Variants in ABHD2 observed in about 807,000 individuals in gnomAD.
The protein encoded by ABHD2 is monoacylglycerol lipase ABHD2.
Under a neutral mutation model 48.1 loss-of-function variants are expected in ABHD2, and 20 were observed. That is an observed-to-expected ratio of 0.42 (90% CI 0.29 to 0.60). The LOEUF (loss-of-function observed/expected upper bound fraction) is 0.60, where lower values mean the gene tolerates loss of function less well. ABHD2 is among the 20% of genes least tolerant of loss of function. The pLI, the probability that ABHD2 is intolerant of heterozygous loss-of-function variation, is 0.24. For synonymous variants in ABHD2, 209 were observed against 214.2 expected (o/e 0.98, Z 0.21); for missense variants, 405 against 550.9 (o/e 0.74, Z 2.65).
In ABHD2 at chr15:89,120,502, CAG is replaced by C. The variant is rs1447007779; in HGVS notation, c.194+3984_194+3985del. 6.6e-6 allele frequency among the ~76,000 whole-genome samples: 1 copy of C among 151,792 alleles called. No homozygotes were observed. Among genetic ancestry groups the C allele is most frequent in the East Asian group, 1.9e-4 (1 of 5,180 alleles). ...GCTCTTTCTTTTTTCTTTTTTGAGA[CAG>C]AGTCTCACTCTGTTGCCTAGGCTGG... On this transcript the variant is annotated intron_variant, in intron 3 of 10. Coordinates refer to ENST00000352732, the MANE Select transcript of ABHD2 (RefSeq NM_152924.5). This position sits in a 1 kb window ranked among gnomAD's most constrained non-coding sequence, Gnocchi z 4.2.
intron 3 of ABHD2, among the ~76,000 whole-genome samples, chr15:89,135,322 C>T (rs2050289588): frequency 6.6e-6 from 1 of 151,450 alleles, no homozygotes; most frequent in Admixed American, 6.6e-5. Flanking sequence ...AATCCCCATA[C>T]TGTACTAGGC....
chr15:89,185,556 C>G lies in ABHD2; in HGVS notation c.815+40C>G. The G allele has an allele frequency of 6.4e-7, 1 of 1,559,602 alleles. No individual in the cohort carries two copies. Among genetic ancestry groups the G allele is most frequent in the Non-Finnish European group, 8.8e-7 (1 of 1,130,880 alleles). On this transcript the variant is annotated intron_variant, in intron 7 of 10. Coordinates refer to ENST00000352732, the MANE Select transcript of ABHD2 (RefSeq NM_152924.5). This position sits in a 1 kb window ranked among gnomAD's most constrained non-coding sequence, Gnocchi z 5.9. ...GTTCTCTCTCAGGAGACAGACAGTT[C>G]CTTCCTGAGCTCATCTGGGAACCGT...
chr15:89,158,820 TTCCCACC>T (rs2050715842), intron 5 of ABHD2, among the ~76,000 whole-genome samples: 1 of 151,800 alleles, frequency 6.6e-6, no homozygotes, highest in Non-Finnish European at 1.5e-5. Flanking sequence ...TCAAGCCAGC[TTCCCACC>T]TCATTTTTTA....
chr15:89,200,540 AC>A lies in ABHD2; in HGVS notation c.*5118del, dbSNP rs200031745. 0.036 allele frequency: 5,539 copies of A among 152,944 alleles called. 146 individuals are homozygous for A. The highest frequency in any genetic ancestry group is 0.054 in the Non-Finnish European group (3,681 of 68,172). 9.5% of individuals were successfully genotyped at this position (152,944 alleles called of 1,614,324 possible). A position where few individuals can be genotyped will look rare whatever the true frequency, so the allele number is the denominator to read the frequency against. The stretch of plus-strand genomic sequence containing the variant: ...GAATTTGATAAAGGACTGAAGTGCA[AC>A]TGAAAGCTGCTAGTGATGATCTGGT... On this transcript the variant is annotated 3_prime_UTR_variant, in exon 11 of 11. Coordinates refer to ENST00000352732, the MANE Select transcript of ABHD2 (RefSeq NM_152924.5).
chr15:89,151,769 G>A lies in ABHD2; in HGVS notation c.287G>A (p.Gly96Glu). The A allele has an allele frequency of 1.2e-6, 2 of 1,614,192 alleles. No individual in the cohort carries two copies. Among genetic ancestry groups the A allele is most frequent in the Non-Finnish European group, 1.7e-6 (2 of 1,180,034 alleles). The change falls in exon 4 of 11, where the codon GGG becomes GAG. Residue 96 changes from glycine (G) to glutamate (E), a missense_variant. Gly to Glu is a moderately conservative substitution (Grantham distance 98). Transcript: ENST00000352732. The surrounding 1 kb of genome is among the most constrained non-coding windows in gnomAD (Gnocchi z 4.7). ...MGRVRSPHPYGHRKFITMSDG... is the reference protein window; with the variant it reads ...MGRVRSPHPYEHRKFITMSDG... Reference sequence around the variant, plus strand: ...AGGGTGAGGTCGCCACATCCTTATGGGCACCGGAAGTTCATCACTATGTCT... The same window carrying A: ...AGGGTGAGGTCGCCACATCCTTATGAGCACCGGAAGTTCATCACTATGTCT...
At chr15:89,069,140 TA>T in the ABHD2 span, among the ~76,000 whole-genome samples, 3 of 148,294 alleles carry the variant, frequency 2.0e-5, no homozygotes, top group African/African-American at 7.5e-5. Context: ...TTTTTTTTTT[TA>T]AAGAGATAGG....
intron 10 of ABHD2, among the ~76,000 whole-genome samples, chr15:89,194,601 G>A (rs985627898): frequency 2.6e-5 from 4 of 152,124 alleles, no homozygotes; most frequent in Non-Finnish European, 5.9e-5. Context: ...TGACTCCATT[G>A]AATTCTCCTC....
upstream of ABHD2, chr15:89,088,221 C>T (rs2150762294): frequency 6.6e-6 from 1 of 152,488 alleles, no homozygotes; most frequent in Non-Finnish European, 1.5e-5. The surrounding 1 kb of genome is among the most constrained non-coding windows in gnomAD (Gnocchi z 6.8). Flanking sequence ...TGGACTAAAG[C>T]CGTCAAATGT....
At chr15:89,079,433 G>C in the ABHD2 span, among the ~76,000 whole-genome samples, 578 of 151,684 alleles carry the variant, frequency 3.8e-3, 5 homozygotes, top group East Asian at 0.049. This position sits in a 1 kb window ranked among gnomAD's most constrained non-coding sequence, Gnocchi z 4.3. Flanking sequence ...CTTTCTCCCA[G>C]AAGAAGAAAT....
Position 89,186,971 on chromosome 15 carries a change from G to C in ABHD2, c.816-1222G>C, listed in dbSNP as rs373378824. On this transcript the variant is annotated intron_variant, in intron 7 of 10. Transcript: ENST00000352732. The surrounding 1 kb of genome is among the most constrained non-coding windows in gnomAD (Gnocchi z 4.3). Reference sequence around the variant, plus strand: ...GAGCAGAGGGAGACTTATGTCCCCTGTGCTGGCTGGAAAATCAGCTGTTCC... The same window carrying C: ...GAGCAGAGGGAGACTTATGTCCCCTCTGCTGGCTGGAAAATCAGCTGTTCC... Among the ~76,000 whole-genome samples, 1 of 152,208 alleles carries C rather than the reference G, an allele frequency of 6.6e-6. No homozygotes were observed. Among genetic ancestry groups the C allele is most frequent in the Non-Finnish European group, 1.5e-5 (1 of 68,044 alleles).
chr15:89,064,023 A>C, the ABHD2 span, among the ~76,000 whole-genome samples: 2 of 151,370 alleles, frequency 1.3e-5, no homozygotes, highest in Non-Finnish European at 2.9e-5. Flanking sequence ...CCCCTCCCCC[A>C]AGCCCCTGAC....
At chr15:89,142,827 A>G (rs2050426904) in intron 3 of ABHD2, among the ~76,000 whole-genome samples, 2 of 152,184 alleles carry the variant, frequency 1.3e-5, no homozygotes, top group African/African-American at 4.8e-5. Context: ...ACATGCAGGA[A>G]CGGAATACCA....
chr15:89,136,342 T>C, intron 3 of ABHD2: 2 of 519,432 alleles, frequency 3.9e-6, no homozygotes, highest in South Asian at 2.9e-5. Flanking sequence ...TTAGTAGGCA[T>C]GGTCTTCCAC....
intron 4 of ABHD2, among the ~76,000 whole-genome samples, chr15:89,152,402 G>A (rs944162358): frequency 6.6e-6 from 1 of 152,194 alleles, no homozygotes; most frequent in African/African-American, 2.4e-5. Flanking sequence ...TAATCCTGTT[G>A]TGAAATACAG....
intron 3 of ABHD2, among the ~76,000 whole-genome samples, chr15:89,149,457 C>T (rs2050555556): frequency 6.6e-6 from 1 of 152,030 alleles, no homozygotes; most frequent in African/African-American, 2.4e-5. Flanking sequence ...CAAATCTCCC[C>T]CAGGTGTGTA....
rs779810914 is a variant in ABHD2 at position 89,155,444 on chromosome 15, G to A, written c.448G>A (p.Ala150Thr). 6.2e-6 allele frequency: 10 copies of A among 1,614,074 alleles called. No homozygotes were observed. The highest frequency in any genetic ancestry group is 1.7e-5 in the Admixed American group (1 of 60,006). ...KQYIRTFVDY[A>T]QKNGYRCAVL... is the part of the protein sequence containing the mutation. ...ATACATCCGCACTTTCGTTGACTAC[G>A]CCCAGAAAAATGGCTATCGGTGCGC... Residue 150 changes from alanine (A) to threonine (T), a missense_variant, in exon 5 of 11, where the codon GCC becomes ACC. Ala to Thr is a moderately conservative substitution (Grantham distance 58, BLOSUM62 0). Transcript: ENST00000352732. The surrounding 1 kb of genome is among the most constrained non-coding windows in gnomAD (Gnocchi z 4.9).
rs2051454501 is a variant in ABHD2, at chr15:89,200,406, A to AG, written c.*4984dup. 2 of 151,592 alleles carry AG rather than the reference A, an allele frequency of 1.3e-5. No individual in the cohort carries two copies. The highest frequency in any genetic ancestry group is 4.9e-5 in the African/African-American group (2 of 41,060). 9.4% of individuals were successfully genotyped at this position (151,592 alleles called of 1,614,324 possible). A position where few individuals can be genotyped will look rare whatever the true frequency, so the allele number is the denominator to read the frequency against. On this transcript the variant is annotated 3_prime_UTR_variant, in exon 11 of 11. Coordinates refer to ENST00000352732, the MANE Select transcript of ABHD2 (RefSeq NM_152924.5). ...TCCCAGACAGTTGGGCGGCCAGGCA[A>AG]GCGCTCCTCACTTCCCAGATGGGGC... is the stretch of plus-strand genomic sequence containing the variant.
At chr15:89,095,172 G>C (rs1438494985) in intron 1 of ABHD2, among the ~76,000 whole-genome samples, 1 of 151,932 alleles carries the variant, frequency 6.6e-6, no homozygotes, top group African/African-American at 2.4e-5. Context: ...TTACTAAAAA[G>C]GTTGAGTTAA....
Position 89,198,306 on chromosome 15 carries a change from T to TATG in ABHD2, c.*2884_*2885insTGA, listed in dbSNP as rs1445299017. The TATG allele has an allele frequency of 7.9e-5, 12 of 152,376 alleles. No individual in the cohort carries two copies. Among genetic ancestry groups the TATG allele is most frequent in the Admixed American group, 2.6e-4 (4 of 15,308 alleles). 9.4% of individuals were successfully genotyped at this position (152,376 alleles called of 1,614,324 possible). On this transcript the variant is annotated 3_prime_UTR_variant, in exon 11 of 11. Transcript: ENST00000352732. This position sits in a 1 kb window ranked among gnomAD's most constrained non-coding sequence, Gnocchi z 5.1. ...GGGAGAAGCACCCACATCTCTCCTG[T>TATG]AGCACTCCGTGTCTCATAAGCAATT... is the stretch of plus-strand genomic sequence containing the variant.
Sources: allele counts gnomAD v4.1 joint callset (sites outside exome capture counted in the v4.1 genomes callset), GRCh38; gene constraint gnomAD v4.1.1; non-coding constraint Gnocchi (gnomAD v3.1); transcripts MANE v1.5; gene names NCBI Gene and HGNC (gene_info 2026-07-23, HGNC 2026-07-21).